The following ADGRL2 variants were observed in gnomAD, a reference collection of about 807,000 sequenced individuals.
ADGRL2 encodes the protein calcium-independent alpha-latrotoxin receptor 2.
Under a neutral mutation model 157.4 loss-of-function variants are expected in ADGRL2, and 44 were observed. The ratio of observed to expected loss-of-function variants is 0.28; its 90% confidence interval spans 0.22 to 0.36. ADGRL2 has a LOEUF of 0.36. ADGRL2 is among the 10% of genes least tolerant of loss of function. The probability of loss-of-function intolerance (pLI) is 1.00; values close to 1 mark genes in which losing one functional copy is unlikely to be tolerated. For synonymous variants in ADGRL2, 585 were observed against 624.7 expected (o/e 0.94, Z 0.95); for missense variants, 1,510 against 1,768.9 (o/e 0.85, Z 2.63).
Position 81,990,455 on chromosome 1 carries a change from TAAC to T in ADGRL2, c.3725_3727del (p.Asn1242del), listed in dbSNP as rs1185175105. ...ATACTCTACCGCTAAATGGTAATTTTAACAACAGCTACTCGCTGCACAAGGGTG... is the reference window on the plus strand; with the variant it reads ...ATACTCTACCGCTAAATGGTAATTTTAACAGCTACTCGCTGCACAAGGGTG... On this transcript the variant is annotated inframe_deletion, in exon 24 of 24. Transcript: ENST00000686636. 1.9e-6 allele frequency: 3 copies of T among 1,613,958 alleles called. No homozygotes were observed. Among genetic ancestry groups the T allele is most frequent in the Non-Finnish European group, 1.7e-6 (2 of 1,179,966 alleles).
intron 3 of ADGRL2, among the ~76,000 whole-genome samples, chr1:81,612,654 T>A (rs1388678160): frequency 6.6e-6 from 1 of 151,880 alleles, no homozygotes; most frequent in Non-Finnish European, 1.5e-5. Context: ...AGTATGCCTA[T>A]TTTCTGTCAG....
At chr1:81,497,326 A>G (rs1409950852) in intron 2 of ADGRL2, among the ~76,000 whole-genome samples, 6 of 152,178 alleles carry the variant, frequency 3.9e-5, no homozygotes, top group Non-Finnish European at 8.8e-5. Flanking sequence ...TTGTATATTT[A>G]AGAAACTTTT....
intron 1 of ADGRL2, among the ~76,000 whole-genome samples, chr1:81,307,085 C>A (rs1659390647): frequency 6.6e-6 from 1 of 152,182 alleles, no homozygotes; most frequent in Admixed American, 6.5e-5. Context: ...AGAAGTATTA[C>A]AAATAGTTAG....
At chr1:81,707,626 C>G (rs2149061385) in intron 1 of ADGRL2, among the ~76,000 whole-genome samples, 1 of 149,548 alleles carries the variant, frequency 6.7e-6, no homozygotes, top group Non-Finnish European at 1.5e-5. Flanking sequence ...CTTTCCTCGG[C>G]TTTTGCTTGA....
intron 1 of ADGRL2, among the ~76,000 whole-genome samples, chr1:81,806,990 G>C (rs927162320): frequency 1.3e-5 from 2 of 151,950 alleles, no homozygotes; most frequent in African/African-American, 4.8e-5. Context: ...CTGCAGAAAA[G>C]ATTTATGTAA....
intron 1 of ADGRL2, among the ~76,000 whole-genome samples, chr1:81,826,168 A>T (rs934286424): frequency 6.6e-6 from 1 of 152,252 alleles, no homozygotes; most frequent in South Asian, 2.1e-4. Context: ...CCATGCATAC[A>T]TGCACATATA....
intron 1 of ADGRL2, among the ~76,000 whole-genome samples, chr1:81,363,459 C>T (rs1183129694): frequency 6.6e-6 from 1 of 152,012 alleles, no homozygotes; most frequent in African/African-American, 2.4e-5. Context: ...ACAGAATTAT[C>T]CTCCCTCTGT....
intron 1 of ADGRL2, among the ~76,000 whole-genome samples, chr1:81,713,839 TA>T (rs2149090340): frequency 6.6e-6 from 1 of 152,278 alleles, no homozygotes; most frequent in Non-Finnish European, 1.5e-5. Context: ...GCCTTGATAT[TA>T]GGTAGAGATA....
At chr1:81,353,951 A>G (rs892591916) in intron 1 of ADGRL2, among the ~76,000 whole-genome samples, 1 of 152,208 alleles carries the variant, frequency 6.6e-6, no homozygotes, top group Non-Finnish European at 1.5e-5. Context: ...GAAGCGTAGC[A>G]TTTAATAGGT....
chr1:81,631,015 A>C (rs1441684236), intron 3 of ADGRL2, among the ~76,000 whole-genome samples: 1 of 152,138 alleles, frequency 6.6e-6, no homozygotes, highest in African/African-American at 2.4e-5. Context: ...CATTAATACT[A>C]AAGAACAGTG....
chr1:81,855,052 A>G (rs1033724282), intron 2 of ADGRL2, among the ~76,000 whole-genome samples: 1 of 152,156 alleles, frequency 6.6e-6, no homozygotes, highest in Non-Finnish European at 1.5e-5. Context: ...AGAATATTGA[A>G]CAAGTTCCTG....
chr1:81,977,072 G>A (rs1249425408), intron 17 of ADGRL2, among the ~76,000 whole-genome samples: 2 of 151,810 alleles, frequency 1.3e-5, no homozygotes, highest in African/African-American at 4.8e-5. Context: ...TCTGTGGGCT[G>A]TAGAGCCCAG....
intron 2 of ADGRL2, among the ~76,000 whole-genome samples, chr1:81,509,490 G>A (rs1312599614): frequency 6.6e-6 from 1 of 152,118 alleles, no homozygotes; most frequent in Non-Finnish European, 1.5e-5. Flanking sequence ...GGAACACGCA[G>A]CATTTTGACA....
intron 1 of ADGRL2, among the ~76,000 whole-genome samples, chr1:81,387,668 T>C (rs1177033002): frequency 6.6e-6 from 1 of 152,118 alleles, no homozygotes; most frequent in African/African-American, 2.4e-5. Flanking sequence ...AACCAATTGT[T>C]AGATGATAGG....
At chr1:81,800,511 G>A (rs2087871553), upstream of ADGRL2, 1 of 152,064 alleles carries the variant, frequency 6.6e-6, no homozygotes, top group Non-Finnish European at 1.5e-5. Context: ...CCTGGAGACG[G>A]GGTGGGTGAA....
intron 3 of ADGRL2, among the ~76,000 whole-genome samples, chr1:81,614,060 C>T (rs897819027): frequency 1.3e-5 from 2 of 152,182 alleles, no homozygotes; most frequent in Admixed American, 6.5e-5. Context: ...TGGCACTTCC[C>T]TCCCTGAACA....
intron 2 of ADGRL2, among the ~76,000 whole-genome samples, chr1:81,451,984 T>C (rs1402097756): frequency 6.6e-6 from 1 of 152,210 alleles, no homozygotes. Flanking sequence ...GTGCGTTCTC[T>C]CTTCTCTCCA....
intron 2 of ADGRL2, among the ~76,000 whole-genome samples, chr1:81,853,266 C>T (rs1477225880): frequency 1.3e-5 from 2 of 152,116 alleles, no homozygotes; most frequent in African/African-American, 2.4e-5. Context: ...GTTTTATTTG[C>T]TAATTATCCT....
chr1:81,870,810 T>C (rs577725922), intron 2 of ADGRL2, among the ~76,000 whole-genome samples: 1 of 152,224 alleles, frequency 6.6e-6, no homozygotes, highest in South Asian at 2.1e-4. Context: ...TTTCTGTTCA[T>C]GAAAATTTTA....
Sources: allele counts gnomAD v4.1 joint callset (sites outside exome capture counted in the v4.1 genomes callset), GRCh38; gene constraint gnomAD v4.1.1; transcripts MANE v1.5; gene names NCBI Gene and HGNC (gene_info 2026-07-23, HGNC 2026-07-21).